The following DDX39B variants were observed in gnomAD, a reference collection of about 807,000 sequenced individuals.
DDX39B encodes spliceosome RNA helicase DDX39B.
In DDX39B, 6 loss-of-function variants were observed where a neutral mutation model predicts 46.4. The ratio of observed to expected loss-of-function variants is 0.13; its 90% CI spans 0.07 to 0.26. The LOEUF (loss-of-function observed/expected upper bound fraction) is 0.26, where lower values mean the gene tolerates loss of function less well. Among genes scored for constraint, DDX39B ranks in the 10% least tolerant of loss-of-function variants. The pLI is 1.00. For missense variants in DDX39B, 185 were observed against 553.4 expected, an observed-to-expected ratio of 0.33 and a Z score of 6.68; for synonymous variants, 174 against 199.4, an observed-to-expected ratio of 0.87 and a Z score of 1.07.
chr6:31,533,809 T>C (rs1174984579), intron 6 of DDX39B: 1 of 152,154 alleles, frequency 6.6e-6, no homozygotes, highest in Non-Finnish European at 1.5e-5. Flanking sequence ...ACTGCATTCA[T>C]CTTTAAAATT....
chr6:31,539,233 C>T lies in DDX39B; in HGVS notation c.253G>A (p.Val85Ile). Residue 85 changes from valine to isoleucine, a missense_variant, in exon 3 of 11, where the codon GTC becomes ATC. Around this residue, in one of 5 missense-constraint regions of DDX39B, gnomAD observed 18 missense variants for 120.1 expected, o/e 0.15. Coordinates refer to ENST00000396172, the MANE Select transcript of DDX39B (RefSeq NM_004640.7). ...CIPQAILGMDVLCQAKSGMGK... is the reference protein window; with the variant it reads ...CIPQAILGMDILCQAKSGMGK... ...ATGCCCGACTTGGCCTGGCACAGGACATCCATTCCCAGAATGGCCTGAGGG... is the reference window on the plus strand; with the variant it reads ...ATGCCCGACTTGGCCTGGCACAGGATATCCATTCCCAGAATGGCCTGAGGG... 6.2e-7 allele frequency: 1 copy of T among 1,613,240 alleles called. No individual in the cohort carries two copies. Among genetic ancestry groups the T allele is most frequent in the Non-Finnish European group, 8.5e-7 (1 of 1,180,038 alleles).
chr6:31,540,620 G>T lies in DDX39B; in HGVS notation c.-88C>A. 1.6e-6 allele frequency: 2 copies of T among 1,244,088 alleles called. No homozygotes were observed. The highest frequency in any genetic ancestry group is 2.3e-6 in the Non-Finnish European group (2 of 867,690). 77.1% of individuals were successfully genotyped at this position (1,244,088 alleles called of 1,614,324 possible). ...AACAAGGGGTGAAGAGTAGGGGATT[G>T]AGGAACAGCAAAGGAAAACAAAGAT... On this transcript the variant is annotated 5_prime_UTR_variant, in exon 2 of 11. Transcript: ENST00000396172.
At chr6:31,539,297 G>A (rs751909909) in intron 2 of DDX39B, 23 bp from the exon 3 acceptor site, 55 of 1,605,396 alleles carry the variant, frequency 3.4e-5, no homozygotes, top group Non-Finnish European at 4.4e-5. Context: ...GGGGGAGGAA[G>A]ATAAATTAGA....
intron 1 of DDX39B, chr6:31,541,376 G>A (rs1040837849): frequency 2.7e-6 from 1 of 372,884 alleles, no homozygotes; most frequent in Admixed American, 3.6e-5. Context: ...TCCCCGCCCA[G>A]GCTTTAACAG....
Position 31,531,029 on chromosome 6 carries a change from A to G in DDX39B, c.1122+24T>C. ...GAAAACAAGGGAATGGGAGAGTGGGATTTTTTCAGCCTGTGAGGTTTACCC... is the reference window on the plus strand; with the variant it reads ...GAAAACAAGGGAATGGGAGAGTGGGGTTTTTTCAGCCTGTGAGGTTTACCC... On this transcript the variant is annotated intron_variant, in intron 9 of 10. Transcript: ENST00000396172. The surrounding 1 kb of genome is among the most constrained non-coding windows in gnomAD (Gnocchi z 5.8). 6.2e-7 allele frequency: 1 copy of G among 1,613,810 alleles called. No homozygotes were observed. The highest frequency in any genetic ancestry group is 1.3e-5 in the African/African-American group (1 of 74,958).
chr6:31,534,864 G>C lies in DDX39B; in HGVS notation c.735+503C>G, dbSNP rs1400830411. On this transcript the variant is annotated intron_variant, in intron 6 of 10. Coordinates refer to ENST00000396172, the MANE Select transcript of DDX39B (RefSeq NM_004640.7). The surrounding 1 kb of genome is among the most constrained non-coding windows in gnomAD (Gnocchi z 5.1). ...CCAAAGGCCCCCACCCCTGGAGGTG[G>C]GGAAGGGGAGGATTCATTTGTGCTG... 1 of 265,112 alleles carries C rather than the reference G, an allele frequency of 3.8e-6. No individual in the cohort carries two copies. The highest frequency in any genetic ancestry group is 4.7e-5 in the Admixed American group (1 of 21,470). 16.4% of individuals were successfully genotyped at this position (265,112 alleles called of 1,614,324 possible).
intron 6 of DDX39B, chr6:31,533,499 G>A (rs1157850295): frequency 6.4e-6 from 1 of 155,180 alleles, no homozygotes; most frequent in African/African-American, 2.4e-5. Context: ...TACTCAAGAT[G>A]AGTTACTTGC....
chr6:31,531,000 A>G lies in DDX39B; in HGVS notation c.1122+53T>C. 6.2e-7 allele frequency: 1 copy of G among 1,613,474 alleles called. No homozygotes were observed. Among genetic ancestry groups the G allele is most frequent in the South Asian group, 1.1e-5 (1 of 91,070 alleles). ...CCAGAGGCAGGAATGAAGATGTACA[A>G]ACAGAAAACAAGGGAATGGGAGAGT... On this transcript the variant is annotated intron_variant, in intron 9 of 10. Transcript: ENST00000396172. The surrounding 1 kb of genome is among the most constrained non-coding windows in gnomAD (Gnocchi z 4.5).
At position 31,531,904 on chromosome 6, in the gene DDX39B, C is replaced by T. The variant is rs1230637908; in HGVS notation, c.868-499G>A. ...CAATCGCAAGTCACTGCAGCCTCCA[C>T]CCTCCTGGGTTTAAGAGATCCTTCC... On this transcript the variant is annotated intron_variant, in intron 7 of 10. Coordinates refer to ENST00000396172, the MANE Select transcript of DDX39B (RefSeq NM_004640.7). This position sits in a 1 kb window ranked among gnomAD's most constrained non-coding sequence, Gnocchi z 5.8. 6.6e-6 allele frequency among the ~76,000 whole-genome samples: 1 copy of T among 152,096 alleles called. No individual in the cohort carries two copies. The highest frequency in any genetic ancestry group is 2.4e-5 in the African/African-American group (1 of 41,418).
intron 4 of DDX39B, 104 bp from the exon 5 acceptor site, chr6:31,536,787 C>T: frequency 2.1e-6 from 3 of 1,403,950 alleles, no homozygotes; most frequent in African/African-American, 2.9e-5. Flanking sequence ...AGCATGTTTC[C>T]AAACTAAAAC....
chr6:31,536,980 T>G (rs1351004440), intron 4 of DDX39B, among the ~76,000 whole-genome samples: 1 of 152,118 alleles, frequency 6.6e-6, no homozygotes, highest in African/African-American at 2.4e-5. Flanking sequence ...AGGAGCCAGG[T>G]GTGGTGGCAC....
chr6:31,539,287 G>T lies in DDX39B; in HGVS notation c.212-13C>A, dbSNP rs371761523. The T allele has an allele frequency of 1.9e-5, 30 of 1,606,990 alleles. No homozygotes were observed. In the African/African-American group the frequency reaches 3.1e-4, roughly 16 times the overall value. ...CACTCATGCTGGACTAAAAGTTGGG[G>T]GGGGAGGAAGATAAATTAGACTTCA... On this transcript the variant is annotated splice_polypyrimidine_tract_variant and intron_variant, in intron 2 of 10. Transcript: ENST00000396172.
chr6:31,538,601 C>CT (rs1267496835), intron 4 of DDX39B, among the ~76,000 whole-genome samples, 162 bp downstream of exon 4: 1 of 152,164 alleles, frequency 6.6e-6, no homozygotes, highest in Non-Finnish European at 1.5e-5. Flanking sequence ...AAGCATCATC[C>CT]ATAGCCCAAT....
Position 31,535,629 on chromosome 6 carries a change from G to A in DDX39B, c.617-144C>T, listed in dbSNP as rs1767704151. ...AGCAATGGACTTGGAATCAAGAAGTGGGATCAGATTCCAGCTGTTTGTTTT... is the reference window on the plus strand; with the variant it reads ...AGCAATGGACTTGGAATCAAGAAGTAGGATCAGATTCCAGCTGTTTGTTTT... On this transcript the variant is annotated intron_variant, in intron 5 of 10. Transcript: ENST00000396172. The surrounding 1 kb of genome is among the most constrained non-coding windows in gnomAD (Gnocchi z 4.6). 3 of 662,884 alleles carry A rather than the reference G, an allele frequency of 4.5e-6. No individual in the cohort carries two copies. Among genetic ancestry groups the A allele is most frequent in the Non-Finnish European group, 7.8e-6 (3 of 387,036 alleles). 41.1% of individuals were successfully genotyped at this position (662,884 alleles called of 1,614,324 possible).
intron 7 of DDX39B, chr6:31,532,574 G>T: frequency 1.8e-6 from 1 of 562,430 alleles, no homozygotes; most frequent in Non-Finnish European, 3.0e-6. Flanking sequence ...TTTTCCTTGA[G>T]GTTATTGAGG....
chr6:31,530,779 T>C lies in DDX39B; in HGVS notation c.1270A>G (p.Ile424Val), dbSNP rs1767075394. The change falls in exon 10 of 11, where the codon ATT becomes GTT. Residue 424 changes from isoleucine to valine, a missense_variant and splice_region_variant. By Grantham distance (29) the Ile-to-Val change is conservative. Coordinates refer to ENST00000396172, the MANE Select transcript of DDX39B (RefSeq NM_004640.7). The surrounding 1 kb of genome is among the most constrained non-coding windows in gnomAD (Gnocchi z 4.5). ...LPDEIDISSY[I>V]EQTR ...AGGGTTTCATGAGATCAGTACTCAC[T>C]GTAGGAGGAGATGTCTATCTCATCA... 1 of 1,611,960 alleles carries C rather than the reference T, an allele frequency of 6.2e-7. No individual in the cohort carries two copies. The highest frequency in any genetic ancestry group is 1.3e-5 in the African/African-American group (1 of 75,028).
chr6:31,535,040 G>A lies in DDX39B; in HGVS notation c.735+327C>T. 2.5e-6 allele frequency: 1 copy of A among 407,288 alleles called. No individual in the cohort carries two copies. Among genetic ancestry groups the A allele is most frequent in the Non-Finnish European group, 4.6e-6 (1 of 216,044 alleles). The allele number at this position is 407,288 out of a possible 1,614,324, so 25.2% of individuals were successfully genotyped here. A position where few individuals can be genotyped will look rare whatever the true frequency, so the allele number is the denominator to read the frequency against. ...TGGCTGTAGGGTGCATGTAAGAGACGATGGATGGGTGGGTGGTAGGGCAGA... is the reference window on the plus strand; with the variant it reads ...TGGCTGTAGGGTGCATGTAAGAGACAATGGATGGGTGGGTGGTAGGGCAGA... On this transcript the variant is annotated intron_variant, in intron 6 of 10. Transcript: ENST00000396172. This position sits in a 1 kb window ranked among gnomAD's most constrained non-coding sequence, Gnocchi z 4.6.
rs2150345087 is a variant in DDX39B at position 31,540,267 on chromosome 6, T to C, written c.211+55A>G. On this transcript the variant is annotated intron_variant, in intron 2 of 10. Coordinates refer to ENST00000396172, the MANE Select transcript of DDX39B (RefSeq NM_004640.7). Reference sequence around the variant, plus strand: ...ACCTGAGCAACGACAAACACATCTTTGTATTGTACCCTTAAAGAGCCCAAT... The same window carrying C: ...ACCTGAGCAACGACAAACACATCTTCGTATTGTACCCTTAAAGAGCCCAAT... The C allele has an allele frequency of 1.9e-6, 3 of 1,567,962 alleles. No individual in the cohort carries two copies. In the East Asian group the frequency reaches 6.7e-5, roughly 35 times the overall value.
chr6:31,539,915 G>T (rs1341774401), intron 2 of DDX39B, among the ~76,000 whole-genome samples: 2 of 152,204 alleles, frequency 1.3e-5, no homozygotes, highest in African/African-American at 4.8e-5. Flanking sequence ...TAGCACTTTG[G>T]TGCTATCACG....
Sources: allele counts gnomAD v4.1 joint callset (sites outside exome capture counted in the v4.1 genomes callset), GRCh38; gene constraint gnomAD v4.1.1; regional missense constraint gnomAD v4.1.1; non-coding constraint Gnocchi (gnomAD v3.1); transcripts MANE v1.5; gene names NCBI Gene and HGNC (gene_info 2026-07-23, HGNC 2026-07-21).